WDR24: variants seen among roughly 807,000 people sequenced by gnomAD.
WDR24 encodes the protein GATOR2 complex protein WDR24.
Under a neutral mutation model 66.7 loss-of-function variants are expected in WDR24, and 32 were observed. That is an observed-to-expected ratio of 0.48 (90% CI 0.36 to 0.64). The LOEUF is 0.64. Ranked by LOEUF, WDR24 falls within the 30% of genes least tolerant of loss-of-function variation. WDR24 has a pLI of 0.00. For synonymous variants in WDR24, 565 were observed against 469.1 expected (o/e 1.20, Z -2.64); for missense variants, 978 against 1,144.1 (o/e 0.85, Z 2.09).
At position 685,364 on chromosome 16, in the gene WDR24, G is replaced by T; in HGVS notation, c.1912C>A (p.Arg638Ser). 6.2e-7 allele frequency: 1 copy of T among 1,611,818 alleles called. No individual in the cohort carries two copies. Among genetic ancestry groups the T allele is most frequent in the Non-Finnish European group, 8.5e-7 (1 of 1,179,836 alleles). Residue 638 changes from arginine (R) to serine (S), a missense_variant, in exon 7 of 9, where the codon CGC becomes AGC. Physicochemically the swap from Arg to Ser is moderately radical, Grantham distance 110 (BLOSUM62 -1). Around this residue, in one of 2 missense-constraint regions of WDR24, gnomAD observed 676 missense variants for 617.5 expected, o/e 1.09. Transcript: ENST00000293883. ...TCAGCGTAGAAGTGCAGCATGTCGC[G>T]CACCAGCACGCCGAAGAAGTCGGGC... ...LPPDFFGVLV[R>S]DMLHFYAEQG...
chr16:687,755 C>T lies in WDR24; in HGVS notation c.482-16G>A, dbSNP rs756738972. 9.3e-6 allele frequency: 15 copies of T among 1,610,338 alleles called. No homozygotes were observed. Among genetic ancestry groups the T allele is most frequent in the East Asian group, 2.2e-5 (1 of 44,702 alleles). On this transcript the variant is annotated splice_polypyrimidine_tract_variant and intron_variant, in intron 1 of 8. Coordinates refer to ENST00000293883, the MANE Select transcript of WDR24 (RefSeq NM_032259.4). ...TCCGACTGGCCTGCAGGCAGGAGGT[C>T]GATGCAGGGGAAGTGACGGGGCTGG...
intron 3 of WDR24, 123 bp downstream of exon 3, chr16:686,621 C>T (rs1244770707): frequency 7.9e-7 from 1 of 1,264,712 alleles, no homozygotes; most frequent in East Asian, 2.3e-5. Flanking sequence ...AAGGCAAGGC[C>T]TGTTGGTGCG....
rs754824799 is a variant in WDR24, at chr16:685,553, G to A, written c.1723C>T (p.Arg575Cys). The A allele has an allele frequency of 1.3e-6, 2 of 1,585,702 alleles. No individual in the cohort carries two copies. Among genetic ancestry groups the A allele is most frequent in the South Asian group, 1.1e-5 (1 of 89,112 alleles). Reference sequence around the variant, plus strand: ...GGAGGCGTGTCCACGATCTCGTGGCGCAGCGGAAAGGCCTCCTGCGGCAGC... The same window carrying A: ...GGAGGCGTGTCCACGATCTCGTGGCACAGCGGAAAGGCCTCCTGCGGCAGC... ...CVLPQEAFPL[R>C]HEIVDTPPGP... Residue 575 changes from arginine to cysteine, a missense_variant, in exon 7 of 9, where the codon CGC becomes TGC. Physicochemically the swap from Arg to Cys is radical, Grantham distance 180. Coordinates refer to ENST00000293883, the MANE Select transcript of WDR24 (RefSeq NM_032259.4).
Position 689,697 on chromosome 16 carries a change from T to C in WDR24, c.-57A>G. ...AGGTCAGTGAGGTGGGCTGGCCTGG[T>C]CAGCCTGGGTGGGTCATCAGTTCAG... On this transcript the variant is annotated 5_prime_UTR_variant, in exon 1 of 9. It removes the in-frame stop codon of an upstream open reading frame in the 5' UTR. Coordinates refer to ENST00000293883, the MANE Select transcript of WDR24 (RefSeq NM_032259.4). 1.9e-6 allele frequency: 3 copies of C among 1,582,446 alleles called. No individual in the cohort carries two copies. Among genetic ancestry groups the C allele is most frequent in the Non-Finnish European group, 2.6e-6 (3 of 1,164,368 alleles).
At position 688,711 on chromosome 16, in the gene WDR24, G is replaced by A. The variant is rs146758288; in HGVS notation, c.481+449C>T. ...GCTGGCTCAGGGCAGCCATCGGGGA[G>A]CTGGGCCTGTTAGGAAAAGGGCCCC... On this transcript the variant is annotated intron_variant, in intron 1 of 8. Transcript: ENST00000293883. 9.4e-3 allele frequency among the ~76,000 whole-genome samples: 1,431 copies of A among 152,358 alleles called. 26 individuals are homozygous for A. Among genetic ancestry groups the A allele is most frequent in the African/African-American group, 0.033 (1,372 of 41,586 alleles).
Position 689,751 on chromosome 16 carries a change from C to A in WDR24, c.-111G>T. On this transcript the variant is annotated 5_prime_UTR_variant, in exon 1 of 9. Coordinates refer to ENST00000293883, the MANE Select transcript of WDR24 (RefSeq NM_032259.4). ...TTCCACCCAGGTTGGGACCCCAGAACTGCTTGGTCCCGGGCTGGTCAGTCT... is the reference window on the plus strand; with the variant it reads ...TTCCACCCAGGTTGGGACCCCAGAAATGCTTGGTCCCGGGCTGGTCAGTCT... 1.3e-6 allele frequency: 2 copies of A among 1,484,548 alleles called. No individual in the cohort carries two copies. The highest frequency in any genetic ancestry group is 2.0e-5 in the Admixed American group (1 of 49,346). 92.0% of individuals were successfully genotyped at this position (1,484,548 alleles called of 1,614,324 possible). A position where few individuals can be genotyped will look rare whatever the true frequency, so the allele number is the denominator to read the frequency against.
rs142805228 is a variant in WDR24, at chr16:687,274, C to T, written c.802G>A (p.Ala268Thr). ...TGGTCCACCATCATGGAGCACGTGG[C>T]CAGGTGGTGGCGGCACTCTGGCCGC... ...KWRPECRHHL[A>T]TCSMMVDHNI... Residue 268 changes from alanine (A) to threonine (T), a missense_variant, in exon 3 of 9, where the codon GCC becomes ACC. Physicochemically the swap from Ala to Thr is moderately conservative, Grantham distance 58. This residue lies in a region of WDR24 where 302 missense variants were observed against 526.6 expected (regional missense o/e 0.57). Coordinates refer to ENST00000293883, the MANE Select transcript of WDR24 (RefSeq NM_032259.4). The T allele has an allele frequency of 6.2e-7, 1 of 1,611,844 alleles. No individual in the cohort carries two copies. The highest frequency in any genetic ancestry group is 8.5e-7 in the Non-Finnish European group (1 of 1,179,854).
At chr16:686,718 G>T in intron 3 of WDR24, 26 bp downstream of exon 3, 1 of 1,560,180 alleles carries the variant, frequency 6.4e-7, no homozygotes, top group Non-Finnish European at 8.7e-7. Context: ...GTGGCCCAGG[G>T]ACCCCCAGGC....
Position 689,321 on chromosome 16 carries a change from G to A in WDR24, c.320C>T (p.Pro107Leu). Residue 107 changes from proline to leucine, a missense_variant, in exon 1 of 9, where the codon CCA becomes CTA. This residue lies in a region of WDR24 where 302 missense variants were observed against 526.6 expected (regional missense o/e 0.57). Transcript: ENST00000293883. ...GVVVTWNLGR[P>L]SRNKQDQLFT... is the part of the protein sequence containing the mutation. ...CAGCTGGTCCTGCTTGTTGCGGGAT[G>A]GCCGGCCCAGGTTCCACGTGACCAC... 1 of 1,613,808 alleles carries A rather than the reference G, an allele frequency of 6.2e-7. No homozygotes were observed. Among genetic ancestry groups the A allele is most frequent in the South Asian group, 1.1e-5 (1 of 91,084 alleles).
In WDR24 at chr16:684,894, C is replaced by T. The variant is rs1232722096; in HGVS notation, c.2213G>A (p.Arg738His). The T allele has an allele frequency of 5.5e-6, 2 of 366,540 alleles. No individual in the cohort carries two copies. The highest frequency in any genetic ancestry group is 5.0e-6 in the Non-Finnish European group (1 of 200,772). The allele number at this position is 366,540 out of a possible 1,614,324, so 22.7% of individuals were successfully genotyped here. A position where few individuals can be genotyped will look rare whatever the true frequency, so the allele number is the denominator to read the frequency against. The change falls in exon 9 of 9, where the codon CGC (arginine) becomes CAC (histidine). Residue 738 changes from arginine to histidine, a missense_variant. Around this residue, in one of 2 missense-constraint regions of WDR24, gnomAD observed 676 missense variants for 617.5 expected, o/e 1.09. Coordinates refer to ENST00000293883, the MANE Select transcript of WDR24 (RefSeq NM_032259.4). ...GCAGACGGCACACATGCTGGCGCAG[C>T]GGTGGCACCTGGGGGCGGGCGGGAG... ...SRGWVCDRCH[R>H]CASMCAVCHH...
chr16:687,341 C>G lies in WDR24; in HGVS notation c.735G>C (p.Met245Ile), dbSNP rs200266742. The stretch of plus-strand genomic sequence containing the variant: ...CCGAGGCGATGGTCTGCACACAGTG[C>G]ATCTCCTTGGCACGGTGCGTGGTCA... The part of the protein sequence containing the change: ...WDMTTHRAKE[M>I]HCVQTIASVA... Residue 245 changes from methionine (M) to isoleucine (I), a missense_variant, in exon 3 of 9, where the codon ATG (methionine) becomes ATC (isoleucine). Met to Ile is a conservative substitution (Grantham distance 10, BLOSUM62 1). This residue lies in a region of WDR24 where 302 missense variants were observed against 526.6 expected (regional missense o/e 0.57). Coordinates refer to ENST00000293883, the MANE Select transcript of WDR24 (RefSeq NM_032259.4). 4.4e-6 allele frequency: 7 copies of G among 1,607,856 alleles called. No individual in the cohort carries two copies. Among genetic ancestry groups the G allele is most frequent in the Non-Finnish European group, 5.1e-6 (6 of 1,177,366 alleles).
Position 689,703 on chromosome 16 carries a change from TG to T in WDR24, c.-64del. ...GTGAGGTGGGCTGGCCTGGTCAGCC[TG>T]GGTGGGTCATCAGTTCAGACCTTCC... On this transcript the variant is annotated 5_prime_UTR_variant, in exon 1 of 9. It removes the in-frame stop codon of an upstream open reading frame in the 5' UTR. Coordinates refer to ENST00000293883, the MANE Select transcript of WDR24 (RefSeq NM_032259.4). 6.3e-7 allele frequency: 1 copy of T among 1,575,248 alleles called. No individual in the cohort carries two copies. The highest frequency in any genetic ancestry group is 8.6e-7 in the Non-Finnish European group (1 of 1,161,160).
At chr16:688,038 G>A in intron 1 of WDR24, 1 of 559,866 alleles carries the variant, frequency 1.8e-6, no homozygotes, top group African/African-American at 1.9e-5. Context: ...TCAGGATGCG[G>A]CAGCTGAGCA....
chr16:685,614 A>G lies in WDR24; in HGVS notation c.1679-17T>C. ...GGTCCTCGGCTGGAAGGCAGGGACC[A>G]GCGGAGGCTCTGAGTCTGTCCTCCA... On this transcript the variant is annotated splice_polypyrimidine_tract_variant and intron_variant, in intron 6 of 8. Coordinates refer to ENST00000293883, the MANE Select transcript of WDR24 (RefSeq NM_032259.4). 6.2e-7 allele frequency: 1 copy of G among 1,605,720 alleles called. No homozygotes were observed. The highest frequency in any genetic ancestry group is 8.5e-7 in the Non-Finnish European group (1 of 1,176,640).
Position 686,628 on chromosome 16 carries a change from T to C in WDR24, c.1332+116A>G, listed in dbSNP as rs550005532. On this transcript the variant is annotated intron_variant, in intron 3 of 8. Coordinates refer to ENST00000293883, the MANE Select transcript of WDR24 (RefSeq NM_032259.4). ...CAGCTACCAAGGCAAGGCCTGTTGGTGCGACTGGCTGGAGTCCATTGCGGA... is the reference window on the plus strand; with the variant it reads ...CAGCTACCAAGGCAAGGCCTGTTGGCGCGACTGGCTGGAGTCCATTGCGGA... The C allele has an allele frequency of 1.0e-4, 133 of 1,304,404 alleles. No individual in the cohort carries two copies. The African/African-American group carries it at 1.8e-3, about 18-fold the overall frequency. 80.8% of individuals were successfully genotyped at this position (1,304,404 alleles called of 1,614,324 possible). A position where few individuals can be genotyped will look rare whatever the true frequency, so the allele number is the denominator to read the frequency against.
intron 1 of WDR24, 31 bp downstream of exon 1, chr16:689,129 C>T (rs1355385879): frequency 6.2e-6 from 10 of 1,607,084 alleles, no homozygotes; most frequent in Non-Finnish European, 8.5e-6. Flanking sequence ...CAGAGACGCC[C>T]ACCTGCCCTG....
At position 689,077 on chromosome 16, in the gene WDR24, C is replaced by A. The variant is rs2039939836; in HGVS notation, c.481+83G>T. 4 of 1,563,304 alleles carry A rather than the reference C, an allele frequency of 2.6e-6. No homozygotes were observed. The Admixed American group carries it at 7.1e-5, about 28-fold the overall frequency. On this transcript the variant is annotated intron_variant, in intron 1 of 8. Coordinates refer to ENST00000293883, the MANE Select transcript of WDR24 (RefSeq NM_032259.4). ...GGAGTGATCCTGAGGGCCTCTGATG[C>A]ACGGAGCCCTTTTCCGCCTGCATGG...
chr16:686,767 C>A lies in WDR24; in HGVS notation c.1309G>T (p.Ala437Ser). The A allele has an allele frequency of 6.2e-7, 1 of 1,601,160 alleles. No homozygotes were observed. Among genetic ancestry groups the A allele is most frequent in the Non-Finnish European group, 8.5e-7 (1 of 1,171,026 alleles). ...AELCDHNAKV[A>S]RELGRNQVAQ... ...ACCTGGTTGCGGCCAAGCTCTCGAG[C>A]CACCTTTGCGTTGTGGTCACAGAGC... The change falls in exon 3 of 9, where the codon GCT becomes TCT. Residue 437 changes from alanine to serine, a missense_variant. Physicochemically the swap from Ala to Ser is moderately conservative, Grantham distance 99 (BLOSUM62 1). Around this residue, in one of 2 missense-constraint regions of WDR24, gnomAD observed 676 missense variants for 617.5 expected, o/e 1.09. Transcript: ENST00000293883.
At position 690,355 on chromosome 16, in the gene WDR24, T is replaced by C. The variant is rs771471112; in HGVS notation, c.-715A>G. On this transcript the variant is annotated 5_prime_UTR_variant, in exon 1 of 9. Coordinates refer to ENST00000293883, the MANE Select transcript of WDR24 (RefSeq NM_032259.4). ...TCTCCCCCGCGCGAACCCCAATCTT[T>C]TACTAAAAGCGCACGGTTGTCCGGA... The C allele has an allele frequency of 2.2e-6, 1 of 456,618 alleles. No homozygotes were observed. Among genetic ancestry groups the C allele is most frequent in the South Asian group, 1.5e-5 (1 of 64,558 alleles). The allele number at this position is 456,618 out of a possible 1,614,324, so 28.3% of individuals were successfully genotyped here.
Sources: gnomAD v4.1 joint callset for allele counts (sites outside exome capture counted in the v4.1 genomes callset) on GRCh38, gnomAD v4.1.1 for gene constraint, gnomAD v4.1.1 regional missense constraint, MANE v1.5 for transcripts, NCBI Gene and HGNC (gene_info 2026-07-23, HGNC 2026-07-21) for gene names.